RNF11: variants seen among roughly 807,000 people sequenced by gnomAD.
RNF11 encodes the protein ring finger protein 11.
Under a neutral mutation model 15.8 loss-of-function variants are expected in RNF11, and 4 were observed. The observed-to-expected ratio is 0.25, with a 90% confidence interval of 0.12 to 0.58. The LOEUF (loss-of-function observed/expected upper bound fraction) is 0.58. Ranked by LOEUF, RNF11 falls within the 20% of genes least tolerant of loss-of-function variation. RNF11 has a pLI of 0.91. For synonymous variants in RNF11, 68 were observed against 72.3 expected, an observed-to-expected ratio of 0.94 and a Z score of 0.30; for missense variants, 139 against 194.4, an observed-to-expected ratio of 0.71 and a Z score of 1.70.
At chr1:51,260,721 T>G (rs113863735) in intron 1 of RNF11, among the ~76,000 whole-genome samples, 2 of 152,156 alleles carry the variant, frequency 1.3e-5, no homozygotes, top group Non-Finnish European at 2.9e-5. Flanking sequence ...CTGCTGTTAG[T>G]GTGTCTGCCC....
At chr1:51,264,317 T>TATATATATATATACAC (rs376694497) in intron 1 of RNF11, among the ~76,000 whole-genome samples, 10 of 75,504 alleles carry the variant, frequency 1.3e-4, no homozygotes, top group African/African-American at 2.3e-4. Context: ...TATATATATA[T>TATATATATATATACAC]ACACACACAC....
rs1264000960 is a variant in RNF11 at position 51,272,121 on chromosome 1, T to C, written c.*799T>C. The stretch of plus-strand genomic sequence containing the variant: ...TATCTAATTATTTTGGTTGTTAATA[T>C]GGTGATAATGGAAAGTCAAGTTAAA... On this transcript the variant is annotated 3_prime_UTR_variant, in exon 3 of 3. Coordinates refer to ENST00000242719, the MANE Select transcript of RNF11 (RefSeq NM_014372.5). The C allele has an allele frequency of 1.3e-5, 2 of 152,626 alleles. No homozygotes were observed. Among genetic ancestry groups the C allele is most frequent in the Non-Finnish European group, 2.9e-5 (2 of 68,028 alleles). The allele number at this position is 152,626 out of a possible 1,614,324, so 9.5% of individuals were successfully genotyped here.
chr1:51,266,466 T>G (rs549330792), intron 1 of RNF11, among the ~76,000 whole-genome samples: 6 of 152,136 alleles, frequency 3.9e-5, no homozygotes, highest in South Asian at 2.1e-4. Context: ...TCCAAATCAT[T>G]AGCAGTTTTT....
chr1:51,262,375 T>A (rs1646934083), intron 1 of RNF11, among the ~76,000 whole-genome samples: 1 of 152,198 alleles, frequency 6.6e-6, no homozygotes. Context: ...ATAAACCTCT[T>A]AGAAGATATA....
At chr1:51,249,526 G>C (rs1027576071) in intron 1 of RNF11, among the ~76,000 whole-genome samples, 1 of 152,290 alleles carries the variant, frequency 6.6e-6, no homozygotes, top group African/African-American at 2.4e-5. Context: ...AAAGGTAACT[G>C]TTGGTCCTTA....
At chr1:51,245,920 A>T (rs1646849800) in intron 1 of RNF11, among the ~76,000 whole-genome samples, 1 of 152,174 alleles carries the variant, frequency 6.6e-6, no homozygotes, top group Non-Finnish European at 1.5e-5. Flanking sequence ...TCAACCTCTT[A>T]TCACTTCCCT....
chr1:51,254,123 G>A (rs920356470), intron 1 of RNF11, among the ~76,000 whole-genome samples: 1 of 152,232 alleles, frequency 6.6e-6, no homozygotes, highest in African/African-American at 2.4e-5. Flanking sequence ...ATGTGGCATT[G>A]ATGAATATTG....
chr1:51,237,025 C>T, intron 1 of RNF11, 146 bp downstream of exon 1: 2 of 1,091,906 alleles, frequency 1.8e-6, no homozygotes, highest in Admixed American at 3.0e-5. Flanking sequence ...AGGGCATTTG[C>T]TCTCTGATCT....
chr1:51,236,847 G>C lies in RNF11; in HGVS notation c.91G>C (p.Glu31Gln). ...SDRASFGEGT[E>Q]PDQEPPPPYQ... ...CCGGGCTAGCTTTGGCGAGGGGACG[G>C]AGCCGGATCAGGAGCCGCCGCCGCC... is the stretch of plus-strand genomic sequence containing the variant. The change falls in exon 1 of 3, where the codon GAG becomes CAG. Residue 31 changes from glutamate (E) to glutamine (Q), a missense_variant. Glu to Gln is a conservative substitution (Grantham distance 29). Coordinates refer to ENST00000242719, the MANE Select transcript of RNF11 (RefSeq NM_014372.5). The C allele has an allele frequency of 1.9e-6, 3 of 1,611,616 alleles. No individual in the cohort carries two copies. Among genetic ancestry groups the C allele is most frequent in the Non-Finnish European group, 2.5e-6 (3 of 1,178,988 alleles).
chr1:51,263,760 T>C (rs1646941066), intron 1 of RNF11, among the ~76,000 whole-genome samples: 1 of 152,168 alleles, frequency 6.6e-6, no homozygotes, highest in South Asian at 2.1e-4. Context: ...GGAGTGACTG[T>C]TAATGAGTAC....
At chr1:51,262,582 C>G (rs1355841012) in intron 1 of RNF11, among the ~76,000 whole-genome samples, 5 of 152,148 alleles carry the variant, frequency 3.3e-5, no homozygotes, top group Admixed American at 6.5e-5. Context: ...GAGTCTCCCT[C>G]TGTCATCTAG....
chr1:51,267,402 T>A (rs1468810485), intron 1 of RNF11, among the ~76,000 whole-genome samples: 1 of 152,188 alleles, frequency 6.6e-6, no homozygotes, highest in African/African-American at 2.4e-5. Context: ...ACTTAGTATA[T>A]AATCTTACTC....
At chr1:51,271,101 T>C (rs1339302893) in intron 2 of RNF11, 50 bp from the exon 3 acceptor site, 1 of 1,479,830 alleles carries the variant, frequency 6.8e-7, no homozygotes, top group Non-Finnish European at 9.4e-7. Flanking sequence ...GTTTTCTGAA[T>C]AGGACACTTC....
At position 51,236,622 on chromosome 1, in the gene RNF11, G is replaced by A. The variant is rs933001841; in HGVS notation, c.-135G>A. 4 of 1,204,036 alleles carry A rather than the reference G, an allele frequency of 3.3e-6. No homozygotes were observed. Among genetic ancestry groups the A allele is most frequent in the Non-Finnish European group, 4.7e-6 (4 of 854,610 alleles). The allele number at this position is 1,204,036 out of a possible 1,614,324, so 74.6% of individuals were successfully genotyped here. On this transcript the variant is annotated 5_prime_UTR_variant, in exon 1 of 3. Transcript: ENST00000242719. ...AGCGGCCCCTCGGCGGCACCGTGGGGCGGTGGAGTCGCCTCCGCCTGATCC... is the reference window on the plus strand; with the variant it reads ...AGCGGCCCCTCGGCGGCACCGTGGGACGGTGGAGTCGCCTCCGCCTGATCC...
chr1:51,245,829 A>T (rs1392839829), intron 1 of RNF11, among the ~76,000 whole-genome samples: 1 of 152,254 alleles, frequency 6.6e-6, no homozygotes, highest in African/African-American at 2.4e-5. Context: ...TAAGGAAGGT[A>T]ATACATAAAA....
At chr1:51,249,233 T>G (rs1428183270) in intron 1 of RNF11, among the ~76,000 whole-genome samples, 1 of 152,214 alleles carries the variant, frequency 6.6e-6, no homozygotes, top group Non-Finnish European at 1.5e-5. Flanking sequence ...TAGTGTATCT[T>G]TAACAGAATA....
At chr1:51,236,992 T>C in intron 1 of RNF11, 113 bp downstream of exon 1, 3 of 1,388,960 alleles carry the variant, frequency 2.2e-6, no homozygotes, top group Non-Finnish European at 2.9e-6. Context: ...CTGGGCGGCA[T>C]TGACCCCTTA....
intron 1 of RNF11, among the ~76,000 whole-genome samples, chr1:51,245,863 G>A (rs1372272481): frequency 1.3e-5 from 2 of 152,170 alleles, no homozygotes; most frequent in East Asian, 3.8e-4. Context: ...ACGACTTGAG[G>A]CAAGAAAAGA....
chr1:51,240,857 C>T, intron 1 of RNF11, among the ~76,000 whole-genome samples: 1 of 152,006 alleles, frequency 6.6e-6, no homozygotes, highest in Middle Eastern at 3.2e-3. Context: ...GAGACCAAGT[C>T]TCACCTTGTT....
Sources: allele counts gnomAD v4.1 joint callset (sites outside exome capture counted in the v4.1 genomes callset), GRCh38; gene constraint gnomAD v4.1.1; transcripts MANE v1.5; gene names NCBI Gene and HGNC (gene_info 2026-07-23, HGNC 2026-07-21).